The following FLYWCH1 variants were observed in gnomAD, a reference collection of about 807,000 sequenced individuals.
FLYWCH1 encodes the protein FLYWCH-type zinc finger-containing protein 1.
A neutral mutation model predicts 66.4 loss-of-function variants in FLYWCH1; 75 were observed. The observed-to-expected ratio is 1.13, with a 90% CI of 0.94 to 1.37. FLYWCH1 has a LOEUF of 1.37. Among genes scored for constraint, FLYWCH1 ranks in the 40% most tolerant of loss-of-function variants. FLYWCH1 has a pLI of 0.00. For synonymous variants in FLYWCH1, 595 were observed against 429.9 expected (o/e 1.38, Z -4.75); for missense variants, 1,334 against 1,001.8 (o/e 1.33, Z -4.48).
chr16:2,917,530 T>G (rs1251166293), intron 2 of FLYWCH1, among the ~76,000 whole-genome samples: 2 of 151,028 alleles, frequency 1.3e-5, no homozygotes, highest in Non-Finnish European at 3.0e-5. Context: ...TGCCCGGCCG[T>G]TAATGATTTT....
Position 2,933,412 on chromosome 16 carries a change from GCCAAGTGGACACGCTGCT to G in FLYWCH1, c.1082_1099del (p.Gln361_Leu366del). The G allele has an allele frequency of 1.2e-6, 2 of 1,601,692 alleles. No homozygotes were observed. The highest frequency in any genetic ancestry group is 1.7e-6 in the Non-Finnish European group (2 of 1,174,910). On this transcript the variant is annotated inframe_deletion, in exon 5 of 10. Transcript: ENST00000253928. Reference sequence around the variant, plus strand: ...CAGGCTGGGCAGGACGGCCCTGGGAGCCAAGTGGACACGCTGCTCCGAGGCGTGGATAGTTTGCTCTAC... The same window carrying G: ...CAGGCTGGGCAGGACGGCCCTGGGAGCCGAGGCGTGGATAGTTTGCTCTAC...
rs191693996 is a variant in FLYWCH1 at position 2,922,648 on chromosome 16, C to T, written c.-73-6965C>T. 47 of 429,138 alleles carry T rather than the reference C, an allele frequency of 1.1e-4. No homozygotes were observed. In the East Asian group the frequency reaches 2.5e-3, roughly 23 times the overall value. 26.6% of individuals were successfully genotyped at this position (429,138 alleles called of 1,614,324 possible). On this transcript the variant is annotated intron_variant, in intron 2 of 9. Coordinates refer to ENST00000253928, the MANE Select transcript of FLYWCH1 (RefSeq NM_001308068.2). ...ATACATATATTTAGAATTAGCCAGC[C>T]GGACTCGGTTTACATGATCTCCATT...
At chr16:2,934,897 C>T in intron 6 of FLYWCH1, 1 of 230,446 alleles carries the variant, frequency 4.3e-6, no homozygotes, top group South Asian at 4.4e-5. Context: ...TTGTCAGCTA[C>T]TCAGTGCACT....
chr16:2,917,384 G>A (rs532697614), intron 2 of FLYWCH1, among the ~76,000 whole-genome samples: 2 of 149,640 alleles, frequency 1.3e-5, no homozygotes, highest in Admixed American at 1.3e-4. Flanking sequence ...CGCCCACCAC[G>A]ACGCCCAGCT....
chr16:2,938,109 G>A, intron 7 of FLYWCH1, 75 bp from the exon 8 acceptor site: 1 of 1,442,268 alleles, frequency 6.9e-7, no homozygotes, highest in Non-Finnish European at 9.4e-7. Context: ...GCCTGGCTGG[G>A]GGATACAAAT....
intron 6 of FLYWCH1, 109 bp downstream of exon 6, chr16:2,934,088 T>A (rs1207215657): frequency 7.7e-7 from 1 of 1,305,164 alleles, no homozygotes; most frequent in Admixed American, 2.8e-5. Flanking sequence ...TCTTCCCTTC[T>A]TTGAACATCC....
intron 2 of FLYWCH1, among the ~76,000 whole-genome samples, chr16:2,928,585 G>T (rs890137601): frequency 6.6e-6 from 1 of 152,176 alleles, no homozygotes; most frequent in Non-Finnish European, 1.5e-5. Flanking sequence ...GTGAGCACAG[G>T]GTTGGGGTTA....
intron 9 of FLYWCH1, among the ~76,000 whole-genome samples, chr16:2,942,009 A>C (rs1329597702): frequency 5.6e-4 from 85 of 150,982 alleles, no homozygotes; most frequent in African/African-American, 1.9e-3. Context: ...AAAAAAAAAA[A>C]AAAAAAAAAA....
intron 2 of FLYWCH1, among the ~76,000 whole-genome samples, chr16:2,926,052 C>T (rs1456463070): frequency 6.6e-6 from 1 of 152,178 alleles, no homozygotes; most frequent in Non-Finnish European, 1.5e-5. Context: ...AAAAAAGCCC[C>T]ACCCCACACC....
chr16:2,942,531 T>A (rs1327128177), intron 9 of FLYWCH1, among the ~76,000 whole-genome samples: 1 of 149,856 alleles, frequency 6.7e-6, no homozygotes, highest in African/African-American at 2.5e-5. Flanking sequence ...GACCAGTATT[T>A]CTTAGGAACG....
At chr16:2,920,779 G>A (rs1228044421) in intron 2 of FLYWCH1, among the ~76,000 whole-genome samples, 1 of 149,638 alleles carries the variant, frequency 6.7e-6, no homozygotes, top group Non-Finnish European at 1.5e-5. Flanking sequence ...CACCTCAGGT[G>A]ATCTGCCCAC....
chr16:2,931,771 C>G (rs2070768698), intron 4 of FLYWCH1, among the ~76,000 whole-genome samples: 1 of 152,086 alleles, frequency 6.6e-6, no homozygotes, highest in African/African-American at 2.4e-5. Flanking sequence ...AGTTCAAGAC[C>G]AGCCTGGCCA....
At chr16:2,935,686 C>G (rs2070969551) in intron 6 of FLYWCH1, 1 of 152,062 alleles carries the variant, frequency 6.6e-6, no homozygotes, top group African/African-American at 2.4e-5. Flanking sequence ...CTTGAACGTC[C>G]CTGCCGCTTT....
chr16:2,920,727 G>A (rs1398377584), intron 2 of FLYWCH1, among the ~76,000 whole-genome samples: 1 of 151,800 alleles, frequency 6.6e-6, no homozygotes. Context: ...TTTTAGTGGA[G>A]ACGGGGTTTC....
chr16:2,927,644 T>C (rs2070617982), intron 2 of FLYWCH1, among the ~76,000 whole-genome samples: 5 of 152,146 alleles, frequency 3.3e-5, no homozygotes, highest in African/African-American at 1.2e-4. Context: ...GCCAAATTGG[T>C]CGTCTAAAAA....
intron 6 of FLYWCH1, chr16:2,936,574 G>A (rs577271497): frequency 7.4e-5 from 34 of 456,462 alleles, no homozygotes; most frequent in East Asian, 2.1e-4. Context: ...GAGCCTGCAC[G>A]GAGGAAAGGG....
chr16:2,935,554 T>C (rs2150973986), intron 6 of FLYWCH1: 1 of 152,260 alleles, frequency 6.6e-6, no homozygotes, highest in South Asian at 2.1e-4. Context: ...CTGCCTCCCG[T>C]CGTTTCCTGG....
intron 6 of FLYWCH1, chr16:2,934,610 C>G (rs1264847092): frequency 4.4e-6 from 2 of 456,798 alleles, no homozygotes; most frequent in Non-Finnish European, 8.8e-6. Context: ...CCTTCACGCC[C>G]CAAGGCGCTG....
chr16:2,946,021 T>C (rs977336164), intron 9 of FLYWCH1, among the ~76,000 whole-genome samples: 1 of 152,070 alleles, frequency 6.6e-6, no homozygotes, highest in African/African-American at 2.4e-5. Flanking sequence ...TAAAAGCTTG[T>C]AGAATGAGGT....
Sources: allele counts gnomAD v4.1 joint callset (sites outside exome capture counted in the v4.1 genomes callset), GRCh38; gene constraint gnomAD v4.1.1; transcripts MANE v1.5; gene names NCBI Gene and HGNC (gene_info 2026-07-23, HGNC 2026-07-21).